ACOT12: variants seen among roughly 807,000 people sequenced by gnomAD.
The protein encoded by ACOT12 is acetyl-coenzyme A thioesterase.
ACOT12 carries 51 observed loss-of-function variants against 67.7 expected under a neutral mutation model. That is an observed-to-expected ratio of 0.75 (90% CI 0.60 to 0.95). The LOEUF (loss-of-function observed/expected upper bound fraction) is 0.95, where lower values mean the gene tolerates loss of function less well. ACOT12 is among the 40% of genes least tolerant of loss of function. The pLI, the probability that ACOT12 is intolerant of heterozygous loss-of-function variation, is 0.00. For missense variants in ACOT12, 734 were observed against 708.1 expected (o/e 1.04, Z -0.41); for synonymous variants, 251 against 244.6 (o/e 1.03, Z -0.24).
intron 6 of ACOT12, among the ~76,000 whole-genome samples, chr5:81,347,395 G>A (rs1188282067): frequency 6.6e-6 from 1 of 152,132 alleles, no homozygotes; most frequent in Non-Finnish European, 1.5e-5. Flanking sequence ...ATAGGTGTGA[G>A]CCACCCTGCC....
downstream of ACOT12, among the ~76,000 whole-genome samples, chr5:81,327,329 T>A (rs1238770808): frequency 6.6e-6 from 1 of 152,118 alleles, no homozygotes; most frequent in Non-Finnish European, 1.5e-5. Flanking sequence ...ATATTCTGAT[T>A]CATTTTCACA....
At chr5:81,344,111 G>C in intron 9 of ACOT12, 49 bp downstream of exon 9, 1 of 1,574,650 alleles carries the variant, frequency 6.4e-7, no homozygotes, top group Non-Finnish European at 8.7e-7. Context: ...TATATAATTT[G>C]TCAGATTAAC....
At chr5:81,308,722 C>A in the ACOT12 span, 1 of 1,595,808 alleles carries the variant, frequency 6.3e-7, no homozygotes, top group Admixed American at 1.8e-5. Flanking sequence ...GTATGTGTTT[C>A]TTTCAGTTTT....
the ACOT12 span, among the ~76,000 whole-genome samples, chr5:81,324,064 C>T: frequency 6.6e-6 from 1 of 151,990 alleles, no homozygotes; most frequent in African/African-American, 2.4e-5. Context: ...GCCTCAGCCT[C>T]CCAAGCAGCT....
chr5:81,321,540 T>C, the ACOT12 span, among the ~76,000 whole-genome samples: 1 of 152,034 alleles, frequency 6.6e-6, no homozygotes, highest in Non-Finnish European at 1.5e-5. Context: ...TAGGAGATTG[T>C]TTAAAAAAAC....
chr5:81,368,095 C>T (rs1237622455), intron 3 of ACOT12, among the ~76,000 whole-genome samples: 1 of 152,092 alleles, frequency 6.6e-6, no homozygotes, highest in Non-Finnish European at 1.5e-5. Flanking sequence ...AGTTCAAGAC[C>T]AGCCTGGCCA....
Position 81,393,923 on chromosome 5 carries a change from C to T in ACOT12, c.127+65G>A, listed in dbSNP as rs868405466. 7.0e-6 allele frequency: 9 copies of T among 1,280,644 alleles called. No individual in the cohort carries two copies. In the South Asian group the frequency reaches 1.3e-4, roughly 18 times the overall value. 79.3% of individuals were successfully genotyped at this position (1,280,644 alleles called of 1,614,324 possible). ...TCCTCGCCTTCCTACCCCCCCCAGCCCCCAGCCGCCGCCGCTCCCGCAGCC... is the reference window on the plus strand; with the variant it reads ...TCCTCGCCTTCCTACCCCCCCCAGCTCCCAGCCGCCGCCGCTCCCGCAGCC... On this transcript the variant is annotated intron_variant, in intron 1 of 14. Coordinates refer to ENST00000307624, the MANE Select transcript of ACOT12 (RefSeq NM_130767.3).
chr5:81,393,874 G>T, intron 1 of ACOT12, 114 bp downstream of exon 1: 2 of 1,151,542 alleles, frequency 1.7e-6, no homozygotes, highest in South Asian at 6.3e-5. Context: ...TGGCTGCGCA[G>T]GGTTCAGCTC....
At chr5:81,380,662 T>C (rs1207939454) in intron 2 of ACOT12, among the ~76,000 whole-genome samples, 1 of 151,828 alleles carries the variant, frequency 6.6e-6, no homozygotes, top group Non-Finnish European at 1.5e-5. Context: ...TGAAATATTA[T>C]TTGTAATAGC....
At chr5:81,310,484 A>G in the ACOT12 span, among the ~76,000 whole-genome samples, 1 of 152,212 alleles carries the variant, frequency 6.6e-6, no homozygotes. Flanking sequence ...GGGGAAAAAA[A>G]AAAGAAAATT....
rs149490715 is a variant in ACOT12 at position 81,364,581 on chromosome 5, C to T, written c.259-692G>A. On this transcript the variant is annotated intron_variant, in intron 3 of 14. Transcript: ENST00000307624. ...TAGCTGGGACTACAGGCACGCAGCA[C>T]TACACCCAGCTAATTTTTTGTATTT... Among the ~76,000 whole-genome samples the T allele has an allele frequency of 2.5e-3, 388 of 152,196 alleles. 1 individual carries two copies. The highest frequency in any genetic ancestry group is 9.0e-3 in the African/African-American group (373 of 41,512).
At chr5:81,374,453 C>T (rs1018619677) in intron 2 of ACOT12, among the ~76,000 whole-genome samples, 5 of 152,066 alleles carry the variant, frequency 3.3e-5, no homozygotes, top group South Asian at 4.1e-4. Flanking sequence ...ATCACAACTC[C>T]GTGCCAGGAA....
At position 81,373,299 on chromosome 5, in the gene ACOT12, T is replaced by C. The variant is rs1760310644; in HGVS notation, c.198-1489A>G. ...TCCCTCCCCTAGCCAAGGGAAGCCATGAAGGACTGTGCTGTGAGGAATGGT... is the reference window on the plus strand; with the variant it reads ...TCCCTCCCCTAGCCAAGGGAAGCCACGAAGGACTGTGCTGTGAGGAATGGT... On this transcript the variant is annotated intron_variant, in intron 2 of 14. Coordinates refer to ENST00000307624, the MANE Select transcript of ACOT12 (RefSeq NM_130767.3). Among the ~76,000 whole-genome samples, 20 of 152,224 alleles carry C rather than the reference T, an allele frequency of 1.3e-4. No individual in the cohort carries two copies. The South Asian group carries it at 4.1e-3, about 32-fold the overall frequency.
At chr5:81,384,389 A>T (rs946339059) in intron 2 of ACOT12, among the ~76,000 whole-genome samples, 1 of 151,788 alleles carries the variant, frequency 6.6e-6, no homozygotes, top group Non-Finnish European at 1.5e-5. Context: ...CCACCCCCCT[A>T]GGCCTCCCAA....
intron 11 of ACOT12, among the ~76,000 whole-genome samples, chr5:81,336,499 G>GTTCCTGGTT (rs1759008041): frequency 6.6e-6 from 1 of 152,168 alleles, no homozygotes; most frequent in Non-Finnish European, 1.5e-5. Flanking sequence ...TGAAAGGCCA[G>GTTCCTGGTT]TTCCTGGTTT....
intron 11 of ACOT12, among the ~76,000 whole-genome samples, chr5:81,338,836 C>T (rs904300178): frequency 1.3e-5 from 2 of 152,248 alleles, no homozygotes; most frequent in Non-Finnish European, 2.9e-5. Context: ...AATCCCAACA[C>T]TTTGGGAGGC....
intron 5 of ACOT12, among the ~76,000 whole-genome samples, chr5:81,349,022 A>G (rs1052124916): frequency 1.1e-4 from 17 of 152,164 alleles, no homozygotes; most frequent in African/African-American, 4.1e-4. Flanking sequence ...TCCATCTCAC[A>G]TGCTATTGTT....
intron 12 of ACOT12, 41 bp downstream of exon 12, chr5:81,335,727 T>C (rs778959500): frequency 3.7e-5 from 59 of 1,592,242 alleles, no homozygotes; most frequent in Non-Finnish European, 4.9e-5. Flanking sequence ...TTTTACATTA[T>C]GTCAAGGTTG....
intron 13 of ACOT12, among the ~76,000 whole-genome samples, chr5:81,331,452 G>A (rs368652302): frequency 7.2e-5 from 11 of 152,178 alleles, no homozygotes; most frequent in Admixed American, 3.9e-4. Context: ...CAGGAGAATC[G>A]TTTGAACCCG....
Sources: gnomAD v4.1 joint callset for allele counts (sites outside exome capture counted in the v4.1 genomes callset) on GRCh38, gnomAD v4.1.1 for gene constraint, MANE v1.5 for transcripts, NCBI Gene and HGNC (gene_info 2026-07-23, HGNC 2026-07-21) for gene names.